BCAS4: variants seen among roughly 807,000 people sequenced by gnomAD.
BCAS4 encodes breast carcinoma-amplified sequence 4.
In BCAS4, 9 loss-of-function variants were observed where a neutral mutation model predicts 15.7. That is an observed-to-expected ratio of 0.57 (90% CI 0.34 to 1.00). BCAS4 has a LOEUF of 1.00. Among genes scored for constraint, BCAS4 ranks in the 50% least tolerant of loss-of-function variants. BCAS4 has a pLI of 0.02. For missense variants in BCAS4, 225 were observed against 239.1 expected (o/e 0.94, Z 0.39); for synonymous variants, 101 against 99.5 (o/e 1.02, Z -0.09).
chr20:50,845,276 G>C (rs6091222), intron 4 of BCAS4, among the ~76,000 whole-genome samples: 21,708 of 152,038 alleles, frequency 0.14, 2,312 homozygotes, highest in African/African-American at 0.3. Flanking sequence ...CTCCCTGACC[G>C]CCGGACCTGC....
Position 50,841,860 on chromosome 20 carries a change from G to A in BCAS4, c.359G>A (p.Arg120Gln), listed in dbSNP as rs202162521. 2.8e-5 allele frequency: 45 copies of A among 1,605,966 alleles called. No homozygotes were observed. In the Admixed American group the frequency reaches 4.9e-4, roughly 18 times the overall value. ...RDHGAFPQAL[R>Q]RWLGSAGLPS... ...CATGGGGCCTTCCCTCAGGCCCTGC[G>A]GAGGTGGCTGGGATCCGCAGGGCTC... Residue 120 changes from arginine to glutamine, a missense_variant, in exon 4 of 5, where the codon CGG becomes CAG. Arg to Gln is a conservative substitution (Grantham distance 43). Transcript: ENST00000371608.
chr20:50,843,574 T>C (rs1335766063), intron 4 of BCAS4, among the ~76,000 whole-genome samples: 4 of 150,000 alleles, frequency 2.7e-5, no homozygotes, highest in Non-Finnish European at 4.4e-5. Flanking sequence ...CTGAGGCATG[T>C]GCTGTTCACC....
intron 4 of BCAS4, among the ~76,000 whole-genome samples, chr20:50,864,962 G>A (rs960726247): frequency 6.6e-6 from 1 of 151,764 alleles, no homozygotes; most frequent in Admixed American, 6.6e-5. Flanking sequence ...GCATGGTGGC[G>A]CATGCCTGTA....
At chr20:50,875,726 G>A (rs573803898) in intron 4 of BCAS4, among the ~76,000 whole-genome samples, 3 of 151,902 alleles carry the variant, frequency 2.0e-5, no homozygotes, top group South Asian at 2.1e-4. Context: ...ATGTTGCAGT[G>A]AGCCAAGATG....
intron 4 of BCAS4, among the ~76,000 whole-genome samples, chr20:50,853,342 G>A (rs893937022): frequency 1.3e-5 from 2 of 151,378 alleles, no homozygotes; most frequent in African/African-American, 4.9e-5. Context: ...ACAGGGTTTC[G>A]CCATGTTAGC....
chr20:50,821,337 C>T (rs981999447), intron 2 of BCAS4, among the ~76,000 whole-genome samples: 8 of 152,216 alleles, frequency 5.3e-5, no homozygotes, highest in South Asian at 2.1e-4. Flanking sequence ...AAATATGTGA[C>T]GCTTGTGGGA....
chr20:50,864,360 C>T (rs1188940048), intron 4 of BCAS4, among the ~76,000 whole-genome samples: 2 of 152,032 alleles, frequency 1.3e-5, no homozygotes, highest in African/African-American at 4.8e-5. Flanking sequence ...CATTCATATC[C>T]CTGCAGAGGA....
intron 4 of BCAS4, among the ~76,000 whole-genome samples, chr20:50,852,414 C>T (rs1978485999): frequency 6.6e-6 from 1 of 151,984 alleles, no homozygotes; most frequent in African/African-American, 2.4e-5. Context: ...TATAGTTACA[C>T]TCTGTTGCCC....
chr20:50,795,126 G>C lies in BCAS4; in HGVS notation c.43G>C (p.Gly15Arg), dbSNP rs780045321. ...DADQPEPMRS[G>R]ARELALFLTP... is the part of the protein sequence containing the mutation. ...TGATCAGCCGGAGCCCATGCGCAGC[G>C]GGGCGCGCGAGCTCGCGCTCTTCCT... Residue 15 changes from glycine (G) to arginine (R), a missense_variant, in exon 1 of 5, where the codon GGG becomes CGG. Physicochemically the swap from Gly to Arg is moderately radical, Grantham distance 125 (BLOSUM62 -2). Transcript: ENST00000371608. 68 of 1,484,196 alleles carry C rather than the reference G, an allele frequency of 4.6e-5. No homozygotes were observed. Among genetic ancestry groups the C allele is most frequent in the Admixed American group, 4.4e-4 (21 of 47,278 alleles). The allele number at this position is 1,484,196 out of a possible 1,614,324, so 91.9% of individuals were successfully genotyped here.
Position 50,876,672 on chromosome 20 carries a change from G to T in BCAS4, c.*64G>T, listed in dbSNP as rs896289910. 3.8e-5 allele frequency: 58 copies of T among 1,540,372 alleles called. No homozygotes were observed. The highest frequency in any genetic ancestry group is 8.4e-5 in the African/African-American group (6 of 71,518). ...ATTGTGTACACACTGCAGCTTGGGG[G>T]TTTTTTCTTTGTATTGCTGTTTATT... On this transcript the variant is annotated 3_prime_UTR_variant, in exon 5 of 5. Transcript: ENST00000371608.
chr20:50,812,427 T>C (rs1190418352), intron 1 of BCAS4, among the ~76,000 whole-genome samples: 3 of 141,046 alleles, frequency 2.1e-5, no homozygotes, highest in East Asian at 2.1e-4. Flanking sequence ...AGCTACTGCG[T>C]CTGGCCTTTT....
intron 1 of BCAS4, among the ~76,000 whole-genome samples, chr20:50,808,085 G>A (rs982012372): frequency 4.7e-5 from 7 of 150,374 alleles, no homozygotes; most frequent in African/African-American, 1.7e-4. Context: ...TTTTTTTTTT[G>A]TATTTTTTAA....
At chr20:50,797,305 T>C (rs572130418) in intron 1 of BCAS4, among the ~76,000 whole-genome samples, 7 of 152,312 alleles carry the variant, frequency 4.6e-5, no homozygotes, top group African/African-American at 1.7e-4. Flanking sequence ...GATAGTTGTG[T>C]TGGTTGCACA....
At chr20:50,829,329 G>A (rs558059056) in intron 2 of BCAS4, among the ~76,000 whole-genome samples, 65 of 152,066 alleles carry the variant, frequency 4.3e-4, no homozygotes, top group African/African-American at 1.4e-3. Flanking sequence ...TGCAACCTCC[G>A]CCTCCCGGGT....
chr20:50,831,981 G>A (rs562800609), intron 3 of BCAS4, among the ~76,000 whole-genome samples: 6 of 152,300 alleles, frequency 3.9e-5, no homozygotes, highest in East Asian at 1.9e-4. Flanking sequence ...TATTCCACAC[G>A]TTTGAAAGAG....
chr20:50,863,798 T>G (rs927609030), intron 4 of BCAS4, among the ~76,000 whole-genome samples: 27 of 152,214 alleles, frequency 1.8e-4, no homozygotes, highest in Middle Eastern at 3.4e-3. Context: ...GGGAGGTGGA[T>G]CTCAGTGTGA....
At chr20:50,840,648 C>A (rs1249477845) in intron 3 of BCAS4, 1 of 1,611,202 alleles carries the variant, frequency 6.2e-7, no homozygotes, top group African/African-American at 1.3e-5. Context: ...CCTGTTCAAT[C>A]GTTTCTTTGG....
Position 50,817,222 on chromosome 20 carries a change from G to A in BCAS4, c.91-989G>A, listed in dbSNP as rs946925482. 2.6e-5 allele frequency among the ~76,000 whole-genome samples: 4 copies of A among 151,882 alleles called. No homozygotes were observed. In the East Asian group the frequency reaches 7.7e-4, roughly 29 times the overall value. ...CAAAATGTTGGGATTACAGGCATAA[G>A]CCACTGCTCCCGGCCATGGACCCTT... On this transcript the variant is annotated intron_variant, in intron 1 of 4. Coordinates refer to ENST00000371608, the MANE Select transcript of BCAS4 (RefSeq NM_198799.4).
downstream of BCAS4, chr20:50,881,087 G>A (rs1417854187): frequency 1.3e-5 from 2 of 152,056 alleles, no homozygotes; most frequent in Non-Finnish European, 2.9e-5. Flanking sequence ...AGAAAAATTA[G>A]CCAGGCATGG....
Sources: allele counts gnomAD v4.1 joint callset (sites outside exome capture counted in the v4.1 genomes callset), GRCh38; gene constraint gnomAD v4.1.1; transcripts MANE v1.5; gene names NCBI Gene and HGNC (gene_info 2026-07-23, HGNC 2026-07-21).